The following CDC73 variants were observed in gnomAD, a reference collection of about 807,000 sequenced individuals.
The protein encoded by CDC73 is parafibromin.
CDC73 carries 21 observed loss-of-function variants against 83.7 expected under a neutral mutation model. That is an observed-to-expected ratio of 0.25 (90% CI 0.18 to 0.36). The LOEUF is 0.36. CDC73 is among the 10% of genes least tolerant of loss of function. The probability of loss-of-function intolerance (pLI) is 1.00; values close to 1 mark genes in which losing one functional copy is unlikely to be tolerated. For synonymous variants in CDC73, 224 were observed against 212.9 expected, an observed-to-expected ratio of 1.05 and a Z score of -0.45; for missense variants, 342 against 653.3, an observed-to-expected ratio of 0.52 and a Z score of 5.19.
At chr1:193,234,914 A>G (rs199786155) in intron 14 of CDC73, among the ~76,000 whole-genome samples, 2 of 136,476 alleles carry the variant, frequency 1.5e-5, no homozygotes, top group Non-Finnish European at 3.2e-5. Flanking sequence ...TTAATTTTTT[A>G]TTTTATTATT....
intron 14 of CDC73, among the ~76,000 whole-genome samples, chr1:193,234,916 T>G (rs1677731839): frequency 1.3e-5 from 2 of 152,124 alleles, no homozygotes; most frequent in Admixed American, 6.5e-5. Flanking sequence ...AATTTTTTAT[T>G]TTATTATTAC....
intron 15 of CDC73, among the ~76,000 whole-genome samples, chr1:193,246,986 G>A (rs1205633873): frequency 6.6e-6 from 1 of 152,034 alleles, no homozygotes; most frequent in Non-Finnish European, 1.5e-5. Context: ...CGCTTAATTC[G>A]TACTTGGCCT....
At chr1:193,152,498 G>A (rs2103133716) in intron 10 of CDC73, 54 bp downstream of exon 10, 1 of 1,113,768 alleles carries the variant, frequency 9.0e-7, no homozygotes, top group East Asian at 2.4e-5. Context: ...TATGTGAGTA[G>A]CACATGTTGA....
intron 10 of CDC73, among the ~76,000 whole-genome samples, chr1:193,163,241 C>T (rs774672811): frequency 7.3e-5 from 11 of 151,554 alleles, no homozygotes; most frequent in Non-Finnish European, 1.6e-4. Context: ...CGCAGTGGCT[C>T]ATGCCTGTAA....
rs1217758966 is a variant in CDC73 at position 193,209,568 on chromosome 1, C to T, written c.1031-2497C>T. On this transcript the variant is annotated intron_variant, in intron 11 of 16. Coordinates refer to ENST00000367435, the MANE Select transcript of CDC73 (RefSeq NM_024529.5). ...ACAAACTCCTTATGTTTCTCTCCCC[C>T]TCCCCCGTTAAGATCAAGCTTCTCA... Among the ~76,000 whole-genome samples, 4 of 152,136 alleles carry T rather than the reference C, an allele frequency of 2.6e-5. No homozygotes were observed. The East Asian group carries it at 5.8e-4, about 22-fold the overall frequency.
chr1:193,194,669 T>C (rs556177117), intron 10 of CDC73, among the ~76,000 whole-genome samples: 3 of 152,246 alleles, frequency 2.0e-5, no homozygotes, highest in Admixed American at 2.0e-4. Flanking sequence ...ATGCTTGGAT[T>C]TTTGCTAATT....
In CDC73 at chr1:193,125,019, T is replaced by C. The variant is rs143722068; in HGVS notation, c.132-93T>C. ...TTTTTTGTTAGCTATGTTAAACTCA[T>C]TGTTGTTAGCAAAGTTGTTTATATA... On this transcript the variant is annotated intron_variant, in intron 1 of 16. Transcript: ENST00000367435. The C allele has an allele frequency of 6.8e-4, 504 of 743,806 alleles. 4 individuals are homozygous for C. In the East Asian group the frequency reaches 1.0e-2, roughly 15 times the overall value. 46.1% of individuals were successfully genotyped at this position (743,806 alleles called of 1,614,324 possible). A position where few individuals can be genotyped will look rare whatever the true frequency, so the allele number is the denominator to read the frequency against.
chr1:193,158,259 A>T (rs1676242485), intron 10 of CDC73, among the ~76,000 whole-genome samples: 2 of 152,076 alleles, frequency 1.3e-5, no homozygotes, highest in African/African-American at 2.4e-5. Context: ...ATTTGAGAGA[A>T]AGTAGCTGCA....
At chr1:193,225,245 G>GATATATATATATATATATAT (rs56261261) in intron 13 of CDC73, among the ~76,000 whole-genome samples, 22 of 143,554 alleles carry the variant, frequency 1.5e-4, no homozygotes, top group Non-Finnish European at 2.6e-4. Flanking sequence ...AGTATTCCAT[G>GATATATATATATATATATAT]ATATATATAT....
At chr1:193,226,552 CT>C (rs1677570738) in intron 13 of CDC73, among the ~76,000 whole-genome samples, 1 of 152,134 alleles carries the variant, frequency 6.6e-6, no homozygotes. Flanking sequence ...TTGTCAGATG[CT>C]TTTTCTACAT....
At chr1:193,229,427 G>A (rs943228454) in intron 13 of CDC73, among the ~76,000 whole-genome samples, 1 of 152,216 alleles carries the variant, frequency 6.6e-6, no homozygotes, top group African/African-American at 2.4e-5. Flanking sequence ...CTCACAAATA[G>A]GATAAGCACC....
intron 15 of CDC73, among the ~76,000 whole-genome samples, chr1:193,247,299 C>T (rs1305268696): frequency 6.6e-6 from 1 of 151,996 alleles, no homozygotes; most frequent in Non-Finnish European, 1.5e-5. Flanking sequence ...TTGTTTTGGG[C>T]ACCACAAACC....
rs1019457597 is a variant in CDC73, at chr1:193,122,040, C to T, written c.-161C>T. The T allele has an allele frequency of 5.9e-6, 4 of 677,590 alleles. No homozygotes were observed. Among genetic ancestry groups the T allele is most frequent in the African/African-American group, 5.4e-5 (3 of 56,058 alleles). The allele number at this position is 677,590 out of a possible 1,614,324, so 42.0% of individuals were successfully genotyped here. ...CTCGGCGGCCTGGGTGGCTACTGCC[C>T]CTGCTGCTGTCGTAGGCGAGGACGG... On this transcript the variant is annotated 5_prime_UTR_variant, in exon 1 of 17. Transcript: ENST00000367435.
intron 13 of CDC73, among the ~76,000 whole-genome samples, chr1:193,225,402 T>C (rs1404697095): frequency 6.6e-6 from 1 of 152,136 alleles, no homozygotes; most frequent in African/African-American, 2.4e-5. Context: ...TCATGACTTC[T>C]TTTCTTCTGG....
chr1:193,122,454 A>G, intron 1 of CDC73, 123 bp downstream of exon 1: 2 of 1,304,600 alleles, frequency 1.5e-6, no homozygotes, highest in South Asian at 1.2e-5. Context: ...GTTCGGGGAA[A>G]AGAAAGTTTC....
intron 10 of CDC73, among the ~76,000 whole-genome samples, chr1:193,153,663 A>G (rs1676159529): frequency 6.6e-6 from 1 of 152,212 alleles, no homozygotes; most frequent in South Asian, 2.1e-4. Context: ...GGGATTGGAT[A>G]TCAGATATTT....
chr1:193,142,811 A>G (rs922157179), intron 7 of CDC73, among the ~76,000 whole-genome samples: 9 of 152,298 alleles, frequency 5.9e-5, no homozygotes, highest in African/African-American at 1.9e-4. Context: ...TATGCACTTT[A>G]TATTTTGAAA....
chr1:193,228,364 C>T (rs115843460), intron 13 of CDC73, among the ~76,000 whole-genome samples: 39 of 152,086 alleles, frequency 2.6e-4, no homozygotes, highest in African/African-American at 8.0e-4. Context: ...AAAAAAGATA[C>T]GGTGCAATTT....
chr1:193,159,187 G>C (rs926187293), intron 10 of CDC73, among the ~76,000 whole-genome samples: 3 of 152,116 alleles, frequency 2.0e-5, no homozygotes, highest in Non-Finnish European at 4.4e-5. Context: ...TAATATAAGG[G>C]AGATAAAAGA....
Sources: gnomAD v4.1 joint callset for allele counts (sites outside exome capture counted in the v4.1 genomes callset) on GRCh38, gnomAD v4.1.1 for gene constraint, MANE v1.5 for transcripts, NCBI Gene and HGNC (gene_info 2026-07-23, HGNC 2026-07-21) for gene names.